Variants in SORCS3 observed in about 807,000 individuals in gnomAD.
SORCS3 encodes the protein VPS10 domain-containing receptor SorCS3.
In SORCS3, 57 loss-of-function variants were observed where a neutral mutation model predicts 146.3. The ratio of observed to expected loss-of-function variants is 0.39; its 90% confidence interval spans 0.31 to 0.49. The LOEUF (loss-of-function observed/expected upper bound fraction) is 0.49. SORCS3 is among the 20% of genes least tolerant of loss of function. SORCS3 has a pLI of 0.92. For synonymous variants in SORCS3, 653 were observed against 618.5 expected (o/e 1.06, Z -0.83); for missense variants, 1,341 against 1,575.5 (o/e 0.85, Z 2.52).
chr10:104,708,754 TCTTTC>T (rs969432737), intron 1 of SORCS3, among the ~76,000 whole-genome samples: 1 of 152,220 alleles, frequency 6.6e-6, no homozygotes, highest in African/African-American at 2.4e-5. Context: ...TTTTAATCTC[TCTTTC>T]CTTTGGATAA....
chr10:105,115,943 A>G (rs1009363384), intron 7 of SORCS3, among the ~76,000 whole-genome samples: 1 of 152,212 alleles, frequency 6.6e-6, no homozygotes. Flanking sequence ...AGAGTTACAG[A>G]GACAGTCTTC....
chr10:104,980,903 A>C (rs2054928126), intron 4 of SORCS3, among the ~76,000 whole-genome samples: 1 of 152,176 alleles, frequency 6.6e-6, no homozygotes, highest in Non-Finnish European at 1.5e-5. Flanking sequence ...CTAGAAATCG[A>C]GAGATGCACA....
chr10:105,148,466 A>G (rs182434248), intron 9 of SORCS3, among the ~76,000 whole-genome samples: 461 of 152,294 alleles, frequency 3.0e-3, no homozygotes, highest in Non-Finnish European at 4.6e-3. Flanking sequence ...GACCTAAAAG[A>G]TGTGGTACCT....
At chr10:105,243,245 G>T (rs1349868000) in intron 20 of SORCS3, among the ~76,000 whole-genome samples, 1 of 151,588 alleles carries the variant, frequency 6.6e-6, no homozygotes, top group Non-Finnish European at 1.5e-5. Flanking sequence ...GCAACATTCT[G>T]ATTGCTGAGT....
intron 20 of SORCS3, among the ~76,000 whole-genome samples, chr10:105,243,874 T>C (rs1434286934): frequency 6.6e-6 from 1 of 152,170 alleles, no homozygotes; most frequent in African/African-American, 2.4e-5. Flanking sequence ...AGTATTACAG[T>C]AGGGACACCA....
Position 104,753,328 on chromosome 10 carries a change from A to G in SORCS3, c.628-89464A>G, listed in dbSNP as rs1342865638. Among the ~76,000 whole-genome samples, 3 of 152,178 alleles carry G rather than the reference A, an allele frequency of 2.0e-5. No homozygotes were observed. In the East Asian group the frequency reaches 5.8e-4, roughly 29 times the overall value. On this transcript the variant is annotated intron_variant, in intron 1 of 26. Coordinates refer to ENST00000369701, the MANE Select transcript of SORCS3 (RefSeq NM_014978.3). ...AAGGTTAAGTGATATTTACCAGCAC[A>G]TTTTCTTGAATGTTCGTGTCAAGAA... is the stretch of plus-strand genomic sequence containing the variant.
At chr10:104,750,703 G>C (rs1348387028) in intron 1 of SORCS3, among the ~76,000 whole-genome samples, 1 of 152,094 alleles carries the variant, frequency 6.6e-6, no homozygotes, top group Non-Finnish European at 1.5e-5. Context: ...AATGTAGCAG[G>C]GATAAATGTA....
At chr10:104,980,687 T>C (rs2054927027) in intron 4 of SORCS3, among the ~76,000 whole-genome samples, 1 of 152,172 alleles carries the variant, frequency 6.6e-6, no homozygotes, top group Admixed American at 6.5e-5. Context: ...GCACTAGAAA[T>C]TTCTTTAGAG....
intron 2 of SORCS3, among the ~76,000 whole-genome samples, chr10:104,865,027 CA>C (rs1217141309): frequency 6.6e-6 from 1 of 152,232 alleles, no homozygotes; most frequent in Non-Finnish European, 1.5e-5. Flanking sequence ...GTCAGTCTCT[CA>C]GTCCCTTGTT....
intron 20 of SORCS3, among the ~76,000 whole-genome samples, chr10:105,233,312 G>A (rs1047400632): frequency 6.6e-6 from 1 of 152,002 alleles, no homozygotes; most frequent in Non-Finnish European, 1.5e-5. Flanking sequence ...ACATACATAA[G>A]ATATATACAT....
chr10:104,723,036 G>A (rs2016570638), intron 1 of SORCS3, among the ~76,000 whole-genome samples: 1 of 152,176 alleles, frequency 6.6e-6, no homozygotes, highest in South Asian at 2.1e-4. Flanking sequence ...GAATGTGATT[G>A]CTCTTGCTTC....
Position 104,830,344 on chromosome 10 carries a change from C to A in SORCS3, c.628-12448C>A, listed in dbSNP as rs185044618. On this transcript the variant is annotated intron_variant, in intron 1 of 26. Transcript: ENST00000369701. ...GCAAGAAAGAGGAAAGGCAAGGCTG[C>A]TCAAAGATCGGTCACTGCAGGAACC... is the stretch of plus-strand genomic sequence containing the variant. Among the ~76,000 whole-genome samples, 443 of 152,278 alleles carry A rather than the reference C, an allele frequency of 2.9e-3. 3 individuals are homozygous for A. The highest frequency in any genetic ancestry group is 0.01 in the African/African-American group (425 of 41,562).
At chr10:104,814,971 C>G (rs2017780457) in intron 1 of SORCS3, among the ~76,000 whole-genome samples, 1 of 152,028 alleles carries the variant, frequency 6.6e-6, no homozygotes, top group Non-Finnish European at 1.5e-5. Flanking sequence ...TGAATGAGAG[C>G]CTCAAAGATG....
intron 14 of SORCS3, among the ~76,000 whole-genome samples, chr10:105,191,921 C>T (rs2056519455): frequency 6.6e-6 from 1 of 152,168 alleles, no homozygotes; most frequent in Non-Finnish European, 1.5e-5. Flanking sequence ...GTTGACCATA[C>T]ACTGAGCCAA....
At chr10:105,228,394 C>T (rs1295851662) in intron 20 of SORCS3, among the ~76,000 whole-genome samples, 4 of 148,486 alleles carry the variant, frequency 2.7e-5, no homozygotes, top group Admixed American at 6.8e-5. Context: ...TCTCTCTTTC[C>T]TTCTGTTTCT....
intron 4 of SORCS3, among the ~76,000 whole-genome samples, chr10:105,031,855 G>A (rs766219053): frequency 3.4e-4 from 52 of 152,224 alleles, no homozygotes; most frequent in Non-Finnish European, 2.1e-4. Context: ...TTTCCCTGGC[G>A]TATAGTTTTG....
At chr10:104,792,639 G>C (rs954126828) in intron 1 of SORCS3, among the ~76,000 whole-genome samples, 12 of 151,952 alleles carry the variant, frequency 7.9e-5, no homozygotes, top group African/African-American at 2.9e-4. Flanking sequence ...AAGTATTCTT[G>C]GTATCAAGGT....
intron 2 of SORCS3, among the ~76,000 whole-genome samples, chr10:104,897,432 C>G (rs1037958499): frequency 6.6e-6 from 1 of 152,174 alleles, no homozygotes; most frequent in Non-Finnish European, 1.5e-5. Context: ...AGGCTTCTTG[C>G]ATCACAGTAT....
At chr10:105,137,911 G>T (rs2056069561) in intron 7 of SORCS3, among the ~76,000 whole-genome samples, 1 of 149,694 alleles carries the variant, frequency 6.7e-6, no homozygotes, top group South Asian at 2.1e-4. Flanking sequence ...AGAACTAATG[G>T]TGACTATGTG....
Sources: allele counts gnomAD v4.1 joint callset (sites outside exome capture counted in the v4.1 genomes callset), GRCh38; gene constraint gnomAD v4.1.1; transcripts MANE v1.5; gene names NCBI Gene and HGNC (gene_info 2026-07-23, HGNC 2026-07-21).